The following ASTN1 variants were observed in gnomAD, a reference collection of about 807,000 sequenced individuals.
ASTN1 encodes astrotactin-1.
Under a neutral mutation model 140.7 loss-of-function variants are expected in ASTN1, and 41 were observed. The observed-to-expected ratio is 0.29, with a 90% CI of 0.23 to 0.38. The LOEUF (loss-of-function observed/expected upper bound fraction) is 0.38, where lower values mean the gene tolerates loss of function less well. Among genes scored for constraint, ASTN1 ranks in the 10% least tolerant of loss-of-function variants. The pLI is 1.00. For missense variants in ASTN1, 1,479 were observed against 1,678.8 expected (o/e 0.88, Z 2.08); for synonymous variants, 640 against 652.2 (o/e 0.98, Z 0.29).
In ASTN1 at chr1:176,894,574, G is replaced by C. The variant is rs1213307745; in HGVS notation, c.2928C>G (p.Asn976Lys). 5 of 1,613,872 alleles carry C rather than the reference G, an allele frequency of 3.1e-6. No homozygotes were observed. Among genetic ancestry groups the C allele is most frequent in the Admixed American group, 1.7e-5 (1 of 59,996 alleles). ...CCAGGCCTCTTACCCTCTGGGTCTGGTTGTTGGTCACTAGTTCATAGATGG... is the reference window on the plus strand; with the variant it reads ...CCAGGCCTCTTACCCTCTGGGTCTGCTTGTTGGTCACTAGTTCATAGATGG... ...AAPIYELVTN[N>K]QTQRLLQEAT... The change falls in exon 17 of 23, where the codon AAC becomes AAG. Residue 976 changes from asparagine to lysine, a missense_variant. Physicochemically the swap from Asn to Lys is moderately conservative, Grantham distance 94. Transcript: ENST00000361833.
At chr1:177,007,268 C>T (rs903456273) in intron 8 of ASTN1, among the ~76,000 whole-genome samples, 1 of 152,100 alleles carries the variant, frequency 6.6e-6, no homozygotes, top group African/African-American at 2.4e-5. Context: ...TGGCACATGC[C>T]TTAATCTCAG....
At chr1:176,896,325 T>C (rs773406120) in intron 16 of ASTN1, among the ~76,000 whole-genome samples, 5 of 152,342 alleles carry the variant, frequency 3.3e-5, no homozygotes, top group Admixed American at 6.5e-5. Flanking sequence ...TCCTTGATTA[T>C]AAGAGAACTG....
chr1:176,876,693 C>T, intron 20 of ASTN1, 56 bp from the exon 21 acceptor site: 4 of 1,549,928 alleles, frequency 2.6e-6, no homozygotes, highest in South Asian at 1.1e-5. Flanking sequence ...GAGGCTAGAT[C>T]TCTGTGGCCC....
chr1:177,040,817 G>A (rs1024320071), intron 2 of ASTN1, among the ~76,000 whole-genome samples: 7 of 152,264 alleles, frequency 4.6e-5, no homozygotes, highest in South Asian at 2.1e-4. Context: ...TAGGAGTTTC[G>A]TCTAATGAGA....
At chr1:176,893,885 C>T (rs562332285) in intron 17 of ASTN1, among the ~76,000 whole-genome samples, 22 of 152,338 alleles carry the variant, frequency 1.4e-4, no homozygotes, top group African/African-American at 5.1e-4. Flanking sequence ...TGGCTTCTGA[C>T]ACAGTTCTCC....
At chr1:176,925,240 G>T (rs751401573) in intron 16 of ASTN1, among the ~76,000 whole-genome samples, 5 of 152,170 alleles carry the variant, frequency 3.3e-5, no homozygotes, top group Non-Finnish European at 7.3e-5. Context: ...TAACCCCGGA[G>T]ACCACCGTGC....
At position 176,884,337 on chromosome 1, in the gene ASTN1, A is replaced by G; in HGVS notation, c.3226+2T>C. The stretch of plus-strand genomic sequence containing the variant: ...CAAGCCCATGAAGTAGAAGGTGCTC[A>G]CCTGTCTCCACTTTGGAGTGGTCCA... On this transcript the variant is annotated splice_donor_variant, in intron 19 of 22. Transcript: ENST00000361833. LOFTEE classifies it high-confidence loss of function. The G allele has an allele frequency of 6.2e-7, 1 of 1,613,006 alleles. No homozygotes were observed. Among genetic ancestry groups the G allele is most frequent in the Non-Finnish European group, 8.5e-7 (1 of 1,179,018 alleles).
chr1:176,904,686 C>G (rs1669912243), intron 16 of ASTN1, among the ~76,000 whole-genome samples: 1 of 152,136 alleles, frequency 6.6e-6, no homozygotes, highest in South Asian at 2.1e-4. Context: ...AGCTGAGAAG[C>G]CAAGTGTGCA....
intron 1 of ASTN1, among the ~76,000 whole-genome samples, chr1:177,122,545 C>G (rs967631822): frequency 1.3e-5 from 2 of 152,120 alleles, no homozygotes; most frequent in Non-Finnish European, 2.9e-5. Context: ...CTTCCCTATC[C>G]TGCTGCGCCT....
chr1:176,979,260 C>T (rs1465974681), intron 8 of ASTN1, among the ~76,000 whole-genome samples: 2 of 152,192 alleles, frequency 1.3e-5, no homozygotes, highest in African/African-American at 4.8e-5. Context: ...TTGCCTCTCT[C>T]TCCCTGTTAT....
At chr1:176,929,533 T>C (rs1263491344) in intron 16 of ASTN1, among the ~76,000 whole-genome samples, 3 of 152,214 alleles carry the variant, frequency 2.0e-5, no homozygotes, top group African/African-American at 7.2e-5. Context: ...TTTGGACTTC[T>C]GGCCCCAGAA....
At chr1:176,887,950 A>G in intron 18 of ASTN1, 121 bp downstream of exon 18, 1 of 1,377,008 alleles carries the variant, frequency 7.3e-7, no homozygotes, top group East Asian at 2.5e-5. Context: ...AAAGCTCTCT[A>G]AAGGCAGGTA....
chr1:177,024,916 T>C (rs1571667879), intron 5 of ASTN1, among the ~76,000 whole-genome samples, 184 bp from the exon 6 acceptor site: 1 of 152,082 alleles, frequency 6.6e-6, no homozygotes, highest in South Asian at 2.1e-4. Context: ...ATGCCATCAG[T>C]TGGAGTCAGA....
At chr1:177,080,259 CAAAAAAAAA>C (rs11300384) in intron 1 of ASTN1, among the ~76,000 whole-genome samples, 1 of 48,404 alleles carries the variant, frequency 2.1e-5, no homozygotes, top group Non-Finnish European at 3.6e-5. Flanking sequence ...ATCACCAGGC[CAAAAAAAAA>C]AAAAAAAAAA....
chr1:177,140,898 A>T (rs1040709344), intron 1 of ASTN1, among the ~76,000 whole-genome samples: 42 of 152,270 alleles, frequency 2.8e-4, no homozygotes, highest in African/African-American at 9.4e-4. Flanking sequence ...TTACCTTATG[A>T]AGTCTTAGTT....
intron 1 of ASTN1, among the ~76,000 whole-genome samples, chr1:177,076,278 C>CAAAAAAAAA (rs1171864161): frequency 1.3e-5 from 1 of 77,690 alleles, no homozygotes; most frequent in Non-Finnish European, 2.4e-5. Flanking sequence ...GACTATGTCT[C>CAAAAAAAAA]AAAAAAAAAA....
chr1:176,903,755 C>T (rs1477608699), intron 16 of ASTN1, among the ~76,000 whole-genome samples: 2 of 152,182 alleles, frequency 1.3e-5, no homozygotes, highest in African/African-American at 4.8e-5. Flanking sequence ...AAACCGTCAG[C>T]AATTGAGGCA....
At chr1:177,109,171 G>A (rs373249519) in intron 1 of ASTN1, among the ~76,000 whole-genome samples, 1 of 152,168 alleles carries the variant, frequency 6.6e-6, no homozygotes, top group East Asian at 1.9e-4. Flanking sequence ...TAATTTAAAT[G>A]TATTAAATTA....
At chr1:176,954,571 T>C (rs1672322264) in intron 11 of ASTN1, among the ~76,000 whole-genome samples, 1 of 152,212 alleles carries the variant, frequency 6.6e-6, no homozygotes, top group South Asian at 2.1e-4. Flanking sequence ...CTGTGGTAGT[T>C]TGTTACAGAG....
Sources: allele counts gnomAD v4.1 joint callset (sites outside exome capture counted in the v4.1 genomes callset), GRCh38; gene constraint gnomAD v4.1.1; transcripts MANE v1.5; gene names NCBI Gene and HGNC (gene_info 2026-07-23, HGNC 2026-07-21).